ITM2C: variants seen among roughly 807,000 people sequenced by gnomAD.
ITM2C encodes integral membrane protein 2C, also known as BRICHOS domain containing 2C.
In ITM2C, 20 loss-of-function variants were observed where a neutral mutation model predicts 30.0. That is an observed-to-expected ratio of 0.67 (90% CI 0.47 to 0.97). ITM2C has a LOEUF of 0.97. Ranked by LOEUF, ITM2C falls within the 50% of genes least tolerant of loss-of-function variation. The pLI, the probability that ITM2C is intolerant of heterozygous loss-of-function variation, is 0.00. For synonymous variants in ITM2C, 167 were observed against 156.4 expected (o/e 1.07, Z -0.51); for missense variants, 366 against 371.9 (o/e 0.98, Z 0.13).
In ITM2C at chr2:230,873,097, G is replaced by A. The variant is rs952329331; in HGVS notation, c.121-320G>A. On this transcript the variant is annotated intron_variant, in intron 1 of 5. Transcript: ENST00000326427. ...CCACGGTCACGGCTGGTATAAGCAA[G>A]AGGCCTAAGAGCTCAGATAACTCAA... 2.2e-5 allele frequency: 6 copies of A among 271,854 alleles called. No individual in the cohort carries two copies. In the Admixed American group the frequency reaches 2.7e-4, roughly 12 times the overall value. 16.8% of individuals were successfully genotyped at this position (271,854 alleles called of 1,614,324 possible).
chr2:230,878,058 A>T lies in ITM2C; in HGVS notation c.763A>T (p.Asn255Tyr). 6.2e-7 allele frequency: 1 copy of T among 1,607,788 alleles called. No homozygotes were observed. Among genetic ancestry groups the T allele is most frequent in the Non-Finnish European group, 8.5e-7 (1 of 1,176,670 alleles). Residue 255 changes from asparagine to tyrosine, a missense_variant, in exon 6 of 6, where the codon AAC (asparagine) becomes TAC (tyrosine). Asn to Tyr is a moderately radical substitution (Grantham distance 143). Coordinates refer to ENST00000326427, the MANE Select transcript of ITM2C (RefSeq NM_030926.6). This position sits in a 1 kb window ranked among gnomAD's most constrained non-coding sequence, Gnocchi z 4.5. The part of the protein sequence containing the change: ...KNCNAIRHFE[N>Y]TFVVETLICG... The stretch of plus-strand genomic sequence containing the variant: ...CTGCAATGCCATCCGCCACTTCGAG[A>T]ACACCTTCGTGGTGGAGACGCTCAT...
chr2:230,877,566 C>T lies in ITM2C; in HGVS notation c.712+16C>T, dbSNP rs757037336. 12 of 1,612,452 alleles carry T rather than the reference C, an allele frequency of 7.4e-6. No homozygotes were observed. In the Admixed American group the frequency reaches 1.7e-4, roughly 22 times the overall value. On this transcript the variant is annotated intron_variant, in intron 5 of 5. Coordinates refer to ENST00000326427, the MANE Select transcript of ITM2C (RefSeq NM_030926.6). The surrounding 1 kb of genome is among the most constrained non-coding windows in gnomAD (Gnocchi z 4.8). ...ACGCGGAGGCGTGAGTGGCTGGCTT[C>T]ACCCACAGTAGCCCCTGTCCCGTGC...
Position 230,865,262 on chromosome 2 carries a change from A to G in ITM2C, c.120+117A>G. On this transcript the variant is annotated intron_variant, in intron 1 of 5. Coordinates refer to ENST00000326427, the MANE Select transcript of ITM2C (RefSeq NM_030926.6). This position sits in a 1 kb window ranked among gnomAD's most constrained non-coding sequence, Gnocchi z 6.8. ...GTCAGGGCCCCAGAGCCCGGGGTGGAGCAGGGTTGGGAAGTCTCGAATGGT... is the reference window on the plus strand; with the variant it reads ...GTCAGGGCCCCAGAGCCCGGGGTGGGGCAGGGTTGGGAAGTCTCGAATGGT... 8.8e-7 allele frequency: 1 copy of G among 1,133,244 alleles called. No individual in the cohort carries two copies. The highest frequency in any genetic ancestry group is 1.1e-6 in the Non-Finnish European group (1 of 878,696). The allele number at this position is 1,133,244 out of a possible 1,614,324, so 70.2% of individuals were successfully genotyped here. A position where few individuals can be genotyped will look rare whatever the true frequency, so the allele number is the denominator to read the frequency against.
chr2:230,872,077 G>T (rs971164465), intron 1 of ITM2C, among the ~76,000 whole-genome samples: 5 of 152,248 alleles, frequency 3.3e-5, no homozygotes, highest in African/African-American at 1.2e-4. Flanking sequence ...GAGGTCACTT[G>T]GTCTGACCTG....
chr2:230,876,761 T>G, intron 3 of ITM2C, 96 bp from the exon 4 acceptor site: 21 of 767,544 alleles, frequency 2.7e-5, no homozygotes, highest in Non-Finnish European at 4.1e-5. Flanking sequence ...ATTACAGGCA[T>G]GAGCCACCGC....
chr2:230,877,533 G>A lies in ITM2C; in HGVS notation c.695G>A (p.Arg232His), dbSNP rs143044408. The change falls in exon 5 of 6, where the codon CGC becomes CAC. Residue 232 changes from arginine to histidine, a missense_variant. Arg to His is a conservative substitution (Grantham distance 29). Coordinates refer to ENST00000326427, the MANE Select transcript of ITM2C (RefSeq NM_030926.6). The surrounding 1 kb of genome is among the most constrained non-coding windows in gnomAD (Gnocchi z 4.8). Reference sequence around the variant, plus strand: ...GGGAAAGACACCTACCGGCTCCGGCGCCGGGCAACGCGGAGGCGTGAGTGG... The same window carrying A: ...GGGAAAGACACCTACCGGCTCCGGCACCGGGCAACGCGGAGGCGTGAGTGG... Reference protein sequence around the residue: ...CNGKDTYRLRRRATRRRINKR... With the variant: ...CNGKDTYRLRHRATRRRINKR... The A allele has an allele frequency of 1.7e-5, 27 of 1,613,566 alleles. No homozygotes were observed. The African/African-American group carries it at 1.7e-4, about 10-fold the overall frequency.
At chr2:230,870,174 G>C (rs1429499090) in intron 1 of ITM2C, among the ~76,000 whole-genome samples, 2 of 152,256 alleles carry the variant, frequency 1.3e-5, no homozygotes, top group Non-Finnish European at 2.9e-5. Flanking sequence ...CGAGATCACA[G>C]GCTGCTTTGA....
intron 1 of ITM2C, among the ~76,000 whole-genome samples, chr2:230,867,890 C>T (rs1286361867): frequency 6.6e-6 from 1 of 152,138 alleles, no homozygotes; most frequent in Non-Finnish European, 1.5e-5. Flanking sequence ...AATTCCTGAC[C>T]TCAGGTGATC....
At chr2:230,868,527 T>C (rs1697088450) in intron 1 of ITM2C, among the ~76,000 whole-genome samples, 2 of 152,046 alleles carry the variant, frequency 1.3e-5, no homozygotes, top group African/African-American at 4.8e-5. Context: ...ATGTAGAGGC[T>C]CACGAGCTGG....
intron 1 of ITM2C, among the ~76,000 whole-genome samples, chr2:230,869,127 G>A (rs1189462495): frequency 6.6e-6 from 1 of 152,172 alleles, no homozygotes; most frequent in Non-Finnish European, 1.5e-5. Flanking sequence ...TCTGTCCACC[G>A]CCCCACTCTC....
Position 230,877,029 on chromosome 2 carries a change from G to A in ITM2C, c.561+62G>A. 5 of 1,163,308 alleles carry A rather than the reference G, an allele frequency of 4.3e-6. No homozygotes were observed. Among genetic ancestry groups the A allele is most frequent in the South Asian group, 1.2e-5 (1 of 80,776 alleles). 72.1% of individuals were successfully genotyped at this position (1,163,308 alleles called of 1,614,324 possible). A position where few individuals can be genotyped will look rare whatever the true frequency, so the allele number is the denominator to read the frequency against. On this transcript the variant is annotated intron_variant, in intron 4 of 5. Transcript: ENST00000326427. The surrounding 1 kb of genome is among the most constrained non-coding windows in gnomAD (Gnocchi z 4.8). Reference sequence around the variant, plus strand: ...GTCCCTCCCTTGCCCCCTGTCTCATGGAGGCTAGGTCTGAGGTACAGGAAG... The same window carrying A: ...GTCCCTCCCTTGCCCCCTGTCTCATAGAGGCTAGGTCTGAGGTACAGGAAG...
intron 1 of ITM2C, among the ~76,000 whole-genome samples, chr2:230,870,987 A>G (rs1559155913): frequency 6.6e-6 from 1 of 152,160 alleles, no homozygotes; most frequent in Non-Finnish European, 1.5e-5. Context: ...ACAGCTGTCC[A>G]CAGAGTCAGC....
chr2:230,877,081 A>G lies in ITM2C; in HGVS notation c.561+114A>G. 1.3e-6 allele frequency: 1 copy of G among 783,768 alleles called. No homozygotes were observed. Among genetic ancestry groups the G allele is most frequent in the Non-Finnish European group, 2.1e-6 (1 of 465,162 alleles). The allele number at this position is 783,768 out of a possible 1,614,324, so 48.6% of individuals were successfully genotyped here. A position where few individuals can be genotyped will look rare whatever the true frequency, so the allele number is the denominator to read the frequency against. Reference sequence around the variant, plus strand: ...TCCTGTGTCAGGGGTTGGGGGAGCAAGAGACATTGCTGGCACCTGGGCCCT... The same window carrying G: ...TCCTGTGTCAGGGGTTGGGGGAGCAGGAGACATTGCTGGCACCTGGGCCCT... On this transcript the variant is annotated intron_variant, in intron 4 of 5. Transcript: ENST00000326427. The surrounding 1 kb of genome is among the most constrained non-coding windows in gnomAD (Gnocchi z 4.8).
Position 230,879,138 on chromosome 2 carries a change from A to AACG in ITM2C, c.*1040_*1042dup, listed in dbSNP as rs147932618. On this transcript the variant is annotated 3_prime_UTR_variant, in exon 6 of 6. Transcript: ENST00000326427. ...CCTGAGCCTTGGAGAGGAGGGCTGTAACGCCTTCAGTCAGTCTCTGGGGAT... is the reference window on the plus strand; with the variant it reads ...CCTGAGCCTTGGAGAGGAGGGCTGTAACGACGCCTTCAGTCAGTCTCTGGGGAT... The AACG allele has an allele frequency of 3.1e-4, 48 of 152,794 alleles. No individual in the cohort carries two copies. The highest frequency in any genetic ancestry group is 1.0e-3 in the African/African-American group (43 of 41,574). The allele number at this position is 152,794 out of a possible 1,614,324, so 9.5% of individuals were successfully genotyped here.
chr2:230,868,618 A>G (rs1697090515), intron 1 of ITM2C, among the ~76,000 whole-genome samples: 1 of 152,142 alleles, frequency 6.6e-6, no homozygotes, highest in Non-Finnish European at 1.5e-5. Flanking sequence ...GCCTTTGATT[A>G]ATGGTCCTGT....
chr2:230,875,045 C>G (rs1459976703), intron 2 of ITM2C, among the ~76,000 whole-genome samples: 1 of 151,956 alleles, frequency 6.6e-6, no homozygotes, highest in Non-Finnish European at 1.5e-5. Context: ...TCCACCTCCC[C>G]ACCCGCCGTG....
upstream of ITM2C, among the ~76,000 whole-genome samples, chr2:230,864,324 C>G (rs1696969581): frequency 6.6e-6 from 1 of 152,106 alleles, no homozygotes; most frequent in Non-Finnish European, 1.5e-5. This position sits in a 1 kb window ranked among gnomAD's most constrained non-coding sequence, Gnocchi z 4.3. Flanking sequence ...CAGCGTGCAC[C>G]CCAGGACCCC....
intron 1 of ITM2C, among the ~76,000 whole-genome samples, chr2:230,870,611 T>A (rs1697140970): frequency 6.6e-6 from 1 of 152,212 alleles, no homozygotes; most frequent in Non-Finnish European, 1.5e-5. Context: ...CTGCCACTGC[T>A]GCTCTTCAGC....
In ITM2C at chr2:230,878,077, C is replaced by A; in HGVS notation, c.782C>A (p.Thr261Lys). The A allele has an allele frequency of 6.3e-7, 1 of 1,598,556 alleles. No homozygotes were observed. Among genetic ancestry groups the A allele is most frequent in the Non-Finnish European group, 8.5e-7 (1 of 1,170,982 alleles). The change falls in exon 6 of 6, where the codon ACG becomes AAG. Residue 261 changes from threonine (T) to lysine (K), a missense_variant. Coordinates refer to ENST00000326427, the MANE Select transcript of ITM2C (RefSeq NM_030926.6). The surrounding 1 kb of genome is among the most constrained non-coding windows in gnomAD (Gnocchi z 4.5). ...TTCGAGAACACCTTCGTGGTGGAGA[C>A]GCTCATCTGCGGGGTGGTGTGAGGC... The part of the protein sequence containing the change: ...RHFENTFVVE[T>K]LICGVV
Sources: allele counts gnomAD v4.1 joint callset (sites outside exome capture counted in the v4.1 genomes callset), GRCh38; gene constraint gnomAD v4.1.1; non-coding constraint Gnocchi (gnomAD v3.1); transcripts MANE v1.5; gene names NCBI Gene and HGNC (gene_info 2026-07-23, HGNC 2026-07-21).